PDE7B: variants seen among roughly 807,000 people sequenced by gnomAD.
PDE7B encodes 3',5'-cyclic-AMP phosphodiesterase 7B.
PDE7B carries 29 observed loss-of-function variants against 56.2 expected under a neutral mutation model. The ratio of observed to expected loss-of-function variants is 0.52; its 90% confidence interval spans 0.38 to 0.70. PDE7B has a LOEUF of 0.70. Among genes scored for constraint, PDE7B ranks in the 30% least tolerant of loss-of-function variants. The probability of loss-of-function intolerance (pLI) is 0.00; values close to 1 mark genes in which losing one functional copy is unlikely to be tolerated. For missense variants in PDE7B, 490 were observed against 565.0 expected (o/e 0.87, Z 1.35); for synonymous variants, 197 against 196.9 (o/e 1.00, Z 0.00).
chr6:136,185,651 G>A (rs987145513), intron 11 of PDE7B, among the ~76,000 whole-genome samples: 1 of 151,880 alleles, frequency 6.6e-6, no homozygotes, highest in African/African-American at 2.4e-5. Context: ...TGTAGTCCCA[G>A]CTACTCAGGA....
intron 8 of PDE7B, among the ~76,000 whole-genome samples, chr6:136,156,762 T>G (rs1778611656): frequency 6.6e-6 from 1 of 152,194 alleles, no homozygotes; most frequent in Non-Finnish European, 1.5e-5. Flanking sequence ...AATTGGTGCT[T>G]GTCAATACTG....
At chr6:136,063,949 A>G (rs957346300) in intron 2 of PDE7B, among the ~76,000 whole-genome samples, 1 of 151,786 alleles carries the variant, frequency 6.6e-6, no homozygotes. Flanking sequence ...TCCAACACCC[A>G]TTTGTCCAGT....
chr6:135,963,456 C>A (rs185526210), intron 2 of PDE7B, among the ~76,000 whole-genome samples: 187 of 152,238 alleles, frequency 1.2e-3, no homozygotes, highest in Non-Finnish European at 2.1e-3. Flanking sequence ...GTCCTAATGT[C>A]TGCCTCAAAT....
At chr6:136,174,989 G>T (rs144171153) in intron 9 of PDE7B, among the ~76,000 whole-genome samples, 2 of 152,126 alleles carry the variant, frequency 1.3e-5, no homozygotes, top group East Asian at 1.9e-4. Flanking sequence ...AGACAAGGAA[G>T]AAAGAAGGAG....
intron 2 of PDE7B, among the ~76,000 whole-genome samples, chr6:136,008,150 A>G (rs1018793941): frequency 6.6e-6 from 1 of 152,072 alleles, no homozygotes; most frequent in Non-Finnish European, 1.5e-5. Context: ...ATGTCCCTAC[A>G]AAGGACATGA....
chr6:136,148,736 G>A (rs1355154390), intron 4 of PDE7B, among the ~76,000 whole-genome samples: 1 of 152,180 alleles, frequency 6.6e-6, no homozygotes, highest in African/African-American at 2.4e-5. Context: ...CACCTCTCAA[G>A]AAAGGTGGTG....
intron 3 of PDE7B, among the ~76,000 whole-genome samples, chr6:136,117,470 T>A (rs1194928311): frequency 6.6e-6 from 1 of 152,238 alleles, no homozygotes; most frequent in African/African-American, 2.4e-5. Flanking sequence ...ATCTTTTGTA[T>A]GTTTTCAAAC....
chr6:136,163,294 A>C (rs564707308), intron 8 of PDE7B, among the ~76,000 whole-genome samples: 2 of 152,296 alleles, frequency 1.3e-5, no homozygotes, highest in African/African-American at 4.8e-5. Context: ...CACAAACTCA[A>C]CACCATGTGG....
chr6:136,182,551 A>G (rs2128451445), intron 11 of PDE7B, among the ~76,000 whole-genome samples: 1 of 152,334 alleles, frequency 6.6e-6, no homozygotes, highest in East Asian at 1.9e-4. Flanking sequence ...AGTCTACTCT[A>G]GCCCACTTGG....
chr6:136,086,174 G>A (rs751514938), intron 2 of PDE7B, among the ~76,000 whole-genome samples: 17 of 152,236 alleles, frequency 1.1e-4, no homozygotes, highest in South Asian at 2.1e-4. Flanking sequence ...GTTGGATTGC[G>A]TGTCTGGGTA....
chr6:136,103,188 T>G (rs1777592345), intron 2 of PDE7B, among the ~76,000 whole-genome samples: 1 of 152,158 alleles, frequency 6.6e-6, no homozygotes, highest in Non-Finnish European at 1.5e-5. Context: ...ACATAGTCCT[T>G]GATGACCAGG....
At chr6:135,861,514 CTT>C (rs1491141690) in intron 1 of PDE7B, among the ~76,000 whole-genome samples, 9 of 149,042 alleles carry the variant, frequency 6.0e-5, no homozygotes, top group Non-Finnish European at 1.0e-4. Flanking sequence ...ATTATATATA[CTT>C]ATATATATAT....
At chr6:136,137,237 C>G (rs1038273496) in intron 3 of PDE7B, among the ~76,000 whole-genome samples, 1 of 151,886 alleles carries the variant, frequency 6.6e-6, no homozygotes, top group Non-Finnish European at 1.5e-5. Context: ...CCACCACACT[C>G]CAGCCTGGGC....
intron 2 of PDE7B, among the ~76,000 whole-genome samples, chr6:136,011,074 G>A (rs1029107006): frequency 6.6e-6 from 1 of 152,002 alleles, no homozygotes; most frequent in Admixed American, 6.6e-5. Context: ...GGGTTCATTT[G>A]TTTGTTTTAC....
At chr6:136,053,646 A>G (rs1776675085) in intron 2 of PDE7B, among the ~76,000 whole-genome samples, 1 of 152,178 alleles carries the variant, frequency 6.6e-6, no homozygotes, top group African/African-American at 2.4e-5. Flanking sequence ...TGACTTCCAC[A>G]ATGGTTAAGC....
In PDE7B at chr6:136,192,106, CAGG is replaced by C. The variant is rs767338840; in HGVS notation, c.*269_*271del. On this transcript the variant is annotated 3_prime_UTR_variant, in exon 13 of 13. Coordinates refer to ENST00000308191, the MANE Select transcript of PDE7B (RefSeq NM_018945.4). ...TCCCACGGGCAGGCTCTCCCTGCTC[CAGG>C]AGAAGACTAGGAGGAAGAATGAGGT... 5.5e-5 allele frequency: 27 copies of C among 489,982 alleles called. No homozygotes were observed. In the East Asian group the frequency reaches 8.5e-4, roughly 15 times the overall value. The allele number at this position is 489,982 out of a possible 1,614,324, so 30.4% of individuals were successfully genotyped here. A position where few individuals can be genotyped will look rare whatever the true frequency, so the allele number is the denominator to read the frequency against.
intron 3 of PDE7B, among the ~76,000 whole-genome samples, chr6:136,121,412 T>A (rs957083748): frequency 2.4e-4 from 36 of 152,356 alleles, no homozygotes; most frequent in African/African-American, 7.7e-4. Context: ...TCTACCACAT[T>A]AGCTTTATTT....
intron 1 of PDE7B, among the ~76,000 whole-genome samples, chr6:135,916,737 T>A (rs1056086912): frequency 5.3e-5 from 8 of 152,128 alleles, no homozygotes; most frequent in Non-Finnish European, 1.0e-4. Flanking sequence ...CTAACTGTAG[T>A]TAATTGACTG....
intron 2 of PDE7B, among the ~76,000 whole-genome samples, chr6:136,108,241 G>A (rs910908044): frequency 2.0e-5 from 3 of 152,086 alleles, no homozygotes; most frequent in Non-Finnish European, 4.4e-5. Flanking sequence ...CAAGTGCCTG[G>A]AGCAAGGCTA....
Sources: gnomAD v4.1 joint callset for allele counts (sites outside exome capture counted in the v4.1 genomes callset) on GRCh38, gnomAD v4.1.1 for gene constraint, MANE v1.5 for transcripts, NCBI Gene and HGNC (gene_info 2026-07-23, HGNC 2026-07-21) for gene names.